Variants in PTPRA observed in about 807,000 individuals in gnomAD.
The protein encoded by PTPRA is receptor-type tyrosine-protein phosphatase alpha.
In PTPRA, 25 loss-of-function variants were observed where a neutral mutation model predicts 104.8. That is an observed-to-expected ratio of 0.24 (90% CI 0.17 to 0.33). The LOEUF is 0.33. PTPRA is among the 10% of genes least tolerant of loss of function. The probability of loss-of-function intolerance (pLI) is 1.00; values close to 1 mark genes in which losing one functional copy is unlikely to be tolerated. For missense variants in PTPRA, 765 were observed against 1,015.3 expected, an observed-to-expected ratio of 0.75 and a Z score of 3.35; for synonymous variants, 323 against 368.9, an observed-to-expected ratio of 0.88 and a Z score of 1.43.
At chr20:2,940,671 C>T (rs2060877592) in intron 2 of PTPRA, among the ~76,000 whole-genome samples, 1 of 152,084 alleles carries the variant, frequency 6.6e-6, no homozygotes, top group African/African-American at 2.4e-5. Context: ...TGGGATCCTC[C>T]TGTCTCAGAG....
chr20:3,021,392 G>A lies in PTPRA; in HGVS notation c.1125G>A (p.Leu375=), dbSNP rs768193588. ...TGTCTGTAGAGGATGTGACTGTCCT[G>A]GTGGACTACACAGTACGGAAGTTCT... ...IRVSVEDVTV[L]VDYTVRKFCI... The change falls in exon 14 of 24, where the codon CTG becomes CTA. Residue 375 remains leucine, a synonymous_variant. Transcript: ENST00000399903. The A allele has an allele frequency of 6.2e-7, 1 of 1,614,112 alleles. No individual in the cohort carries two copies. The highest frequency in any genetic ancestry group is 1.7e-5 in the Admixed American group (1 of 60,022).
chr20:2,993,132 G>A (rs2063258234), intron 9 of PTPRA, among the ~76,000 whole-genome samples: 1 of 152,200 alleles, frequency 6.6e-6, no homozygotes. Flanking sequence ...GGATTAGATG[G>A]ATTAAATTGA....
chr20:2,960,047 G>T (rs145700120), intron 3 of PTPRA, among the ~76,000 whole-genome samples: 1 of 152,084 alleles, frequency 6.6e-6, no homozygotes, highest in African/African-American at 2.4e-5. Flanking sequence ...CACCACTGTG[G>T]TACCTTTGTT....
intron 13 of PTPRA, among the ~76,000 whole-genome samples, 164 bp downstream of exon 13, chr20:3,018,077 A>G (rs1372155301): frequency 6.6e-6 from 1 of 152,238 alleles, no homozygotes; most frequent in Non-Finnish European, 1.5e-5. Context: ...AGCCCCAGAT[A>G]TGAACCTCAG....
intron 4 of PTPRA, 43 bp from the exon 5 acceptor site, chr20:2,964,818 C>G: frequency 6.6e-7 from 1 of 1,514,648 alleles, no homozygotes; most frequent in Non-Finnish European, 9.1e-7. Context: ...TTTTTAGCCT[C>G]ACATTCTTCA....
chr20:2,960,794 C>T (rs7265376), intron 3 of PTPRA, among the ~76,000 whole-genome samples: 7,028 of 151,646 alleles, frequency 0.046, 186 homozygotes, highest in Middle Eastern at 0.074. Context: ...GCCTTGGCCT[C>T]TCAAGGTGTT....
Position 2,968,364 on chromosome 20 carries a change from A to T in PTPRA, c.415+3162A>T, listed in dbSNP as rs2062020588. Among the ~76,000 whole-genome samples, 3 of 152,050 alleles carry T rather than the reference A, an allele frequency of 2.0e-5. No individual in the cohort carries two copies. In the South Asian group the frequency reaches 6.2e-4, roughly 32 times the overall value. On this transcript the variant is annotated intron_variant, in intron 5 of 23. Transcript: ENST00000399903. Reference sequence around the variant, plus strand: ...CTTCTCTTTATCATCAGTATCCTGAAATTTCACAGAGATGTATCTTGATGT... The same window carrying T: ...CTTCTCTTTATCATCAGTATCCTGATATTTCACAGAGATGTATCTTGATGT...
At chr20:2,998,616 G>A (rs1009911990) in intron 9 of PTPRA, among the ~76,000 whole-genome samples, 1 of 152,114 alleles carries the variant, frequency 6.6e-6, no homozygotes, top group Non-Finnish European at 1.5e-5. Flanking sequence ...GTGTTGGGTC[G>A]TTTTAAACAG....
chr20:2,884,307 T>A (rs1033594485), intron 1 of PTPRA, among the ~76,000 whole-genome samples: 3 of 152,194 alleles, frequency 2.0e-5, no homozygotes, highest in African/African-American at 4.8e-5. Flanking sequence ...TTTGAGGGGC[T>A]GTCAAACTGT....
chr20:2,882,337 T>G (rs1233015599), intron 1 of PTPRA, among the ~76,000 whole-genome samples: 1 of 151,146 alleles, frequency 6.6e-6, no homozygotes, highest in East Asian at 1.9e-4. Flanking sequence ...TCACCCAGGC[T>G]GGAGTGCAGT....
intron 9 of PTPRA, among the ~76,000 whole-genome samples, chr20:2,993,218 C>T (rs987468980): frequency 3.9e-5 from 6 of 152,180 alleles, no homozygotes; most frequent in Non-Finnish European, 8.8e-5. Flanking sequence ...CATTGCTCCT[C>T]TTTGTTAGCA....
chr20:3,034,478 G>A (rs1486332804), intron 20 of PTPRA, among the ~76,000 whole-genome samples: 1 of 152,082 alleles, frequency 6.6e-6, no homozygotes, highest in Non-Finnish European at 1.5e-5. Flanking sequence ...AGGCACTGTG[G>A]TAGCAAAATC....
At chr20:2,985,980 C>T (rs1336873899) in intron 6 of PTPRA, among the ~76,000 whole-genome samples, 1 of 152,064 alleles carries the variant, frequency 6.6e-6, no homozygotes, top group African/African-American at 2.4e-5. Flanking sequence ...ACAGGCCCGG[C>T]TCACTGTAAT....
intron 13 of PTPRA, among the ~76,000 whole-genome samples, chr20:3,018,418 T>C (rs1173084516): frequency 3.3e-5 from 5 of 151,314 alleles, no homozygotes; most frequent in African/African-American, 1.2e-4. Flanking sequence ...TAGGGAGTGG[T>C]GATGACTCTT....
intron 5 of PTPRA, among the ~76,000 whole-genome samples, chr20:2,973,933 T>G (rs1208324349): frequency 6.6e-6 from 1 of 151,530 alleles, no homozygotes; most frequent in African/African-American, 2.4e-5. Context: ...TTTTCCATTT[T>G]GGGTTTTTTG....
At chr20:2,939,060 C>T (rs2060808814) in intron 2 of PTPRA, among the ~76,000 whole-genome samples, 1 of 152,172 alleles carries the variant, frequency 6.6e-6, no homozygotes, top group Admixed American at 6.5e-5. Flanking sequence ...TACCCTGTCC[C>T]ACTTTTGTCG....
chr20:2,869,796 T>A (rs1053383910), upstream of PTPRA, among the ~76,000 whole-genome samples: 1 of 151,798 alleles, frequency 6.6e-6, no homozygotes, highest in South Asian at 2.1e-4. Flanking sequence ...TGAAACCCTG[T>A]CTCTAGTAAA....
At chr20:3,007,154 C>A (rs2063914046) in intron 10 of PTPRA, among the ~76,000 whole-genome samples, 190 bp from the exon 11 acceptor site, 1 of 152,072 alleles carries the variant, frequency 6.6e-6, no homozygotes, top group Admixed American at 6.6e-5. Context: ...TTTAACTAGT[C>A]CCCTAATGAT....
At chr20:2,875,310 A>T (rs1012914178) in intron 1 of PTPRA, among the ~76,000 whole-genome samples, 1 of 152,158 alleles carries the variant, frequency 6.6e-6, no homozygotes, top group Non-Finnish European at 1.5e-5. Flanking sequence ...GCCTCCAAAA[A>T]ACTGTCTCTG....
Sources: allele counts gnomAD v4.1 joint callset (sites outside exome capture counted in the v4.1 genomes callset), GRCh38; gene constraint gnomAD v4.1.1; transcripts MANE v1.5; gene names NCBI Gene and HGNC (gene_info 2026-07-23, HGNC 2026-07-21).